SORCS2: variants seen among roughly 807,000 people sequenced by gnomAD.
The protein encoded by SORCS2 is VPS10 domain-containing receptor SorCS2.
SORCS2 carries 100 observed loss-of-function variants against 141.6 expected under a neutral mutation model. That is an observed-to-expected ratio of 0.71 (90% CI 0.60 to 0.83). The LOEUF (loss-of-function observed/expected upper bound fraction) is 0.83. SORCS2 is among the 40% of genes least tolerant of loss of function. The pLI is 0.00. For missense variants in SORCS2, 1,646 were observed against 1,560.2 expected, an observed-to-expected ratio of 1.05 and a Z score of -0.93; for synonymous variants, 789 against 676.9, an observed-to-expected ratio of 1.17 and a Z score of -2.57.
At chr4:7,697,885 G>A (rs904934948) in intron 12 of SORCS2, among the ~76,000 whole-genome samples, 2 of 152,276 alleles carry the variant, frequency 1.3e-5, no homozygotes, top group East Asian at 1.9e-4. Flanking sequence ...CGCAGGATGC[G>A]GCCACTCCCA....
rs1220293932 is a variant in SORCS2 at position 7,695,928 on chromosome 4, G to A, written c.1592-1270G>A. On this transcript the variant is annotated intron_variant, in intron 11 of 26. Transcript: ENST00000507866. The stretch of plus-strand genomic sequence containing the variant: ...GATGGATGGATGGATGGATGGATTG[G>A]TGGGTGGGTGGGTGGATGGATGGAT... Among the ~76,000 whole-genome samples the A allele has an allele frequency of 1.5e-3, 96 of 65,208 alleles. 1 individual carries two copies. Among genetic ancestry groups the A allele is most frequent in the African/African-American group, 4.3e-3 (68 of 15,992 alleles). The allele number at this position is 65,208 out of a possible 152,430, so 42.8% of individuals were successfully genotyped here.
intron 13 of SORCS2, among the ~76,000 whole-genome samples, 153 bp downstream of exon 13, chr4:7,703,524 G>C (rs534596659): frequency 6.6e-6 from 1 of 152,176 alleles, no homozygotes; most frequent in African/African-American, 2.4e-5. Flanking sequence ...CCGGGGCTGG[G>C]ACACACCTCA....
chr4:7,530,129 G>A (rs1455568763), intron 2 of SORCS2, among the ~76,000 whole-genome samples: 6 of 152,236 alleles, frequency 3.9e-5, no homozygotes, highest in Admixed American at 6.5e-5. Context: ...GGGAGGAAAC[G>A]TCTCCAAGTA....
intron 12 of SORCS2, among the ~76,000 whole-genome samples, chr4:7,701,250 AGGAGGGAGGGAAGAAGAG>A (rs1384353358): frequency 1.4e-5 from 2 of 138,346 alleles, no homozygotes; most frequent in Admixed American, 1.5e-4. Flanking sequence ...AAAAGGAGAG[AGGAGGGAGGGAAGAAGAG>A]GGAGGGAGGG....
chr4:7,236,503 G>A (rs113338165), intron 1 of SORCS2, among the ~76,000 whole-genome samples: 8 of 152,262 alleles, frequency 5.3e-5, no homozygotes, highest in South Asian at 2.1e-4. Context: ...GAGGGGCATC[G>A]GAGAGAATAT....
chr4:7,354,553 G>A (rs17757457), intron 1 of SORCS2, among the ~76,000 whole-genome samples: 8,397 of 152,322 alleles, frequency 0.055, 364 homozygotes, highest in Admixed American at 0.13. Context: ...AGGCCCACAC[G>A]TCTCTGAGCT....
At chr4:7,395,165 A>G (rs1724127913) in intron 1 of SORCS2, among the ~76,000 whole-genome samples, 1 of 140,430 alleles carries the variant, frequency 7.1e-6, no homozygotes, top group Non-Finnish European at 1.5e-5. Flanking sequence ...ATCTCGGGCA[A>G]CAGCCCCTCC....
At chr4:7,636,475 G>A (rs536719501) in intron 3 of SORCS2, among the ~76,000 whole-genome samples, 73 of 152,250 alleles carry the variant, frequency 4.8e-4, no homozygotes, top group African/African-American at 1.7e-3. Flanking sequence ...GGGTAACCTG[G>A]TTCAAATTCC....
chr4:7,570,361 G>A (rs1715305926), intron 3 of SORCS2, among the ~76,000 whole-genome samples: 1 of 152,238 alleles, frequency 6.6e-6, no homozygotes, highest in Non-Finnish European at 1.5e-5. Context: ...AGGGCCTCCT[G>A]GGACGCAGAC....
chr4:7,510,781 G>A (rs1732592162), intron 2 of SORCS2, among the ~76,000 whole-genome samples: 1 of 152,228 alleles, frequency 6.6e-6, no homozygotes, highest in African/African-American at 2.4e-5. Flanking sequence ...CGACGCTTGC[G>A]CATCCAGGTC....
intron 3 of SORCS2, among the ~76,000 whole-genome samples, chr4:7,612,892 A>AAGGGAGGGGAACAAGAAGAAGGG (rs1718505943): frequency 1.3e-5 from 1 of 74,152 alleles, no homozygotes; most frequent in Admixed American, 1.4e-4. Flanking sequence ...GTGGGAGGAG[A>AAGGGAGGGGAACAAGAAGAAGGG]TGGGAGGGGA....
chr4:7,317,368 G>C (rs1718627699), intron 1 of SORCS2, among the ~76,000 whole-genome samples: 1 of 152,228 alleles, frequency 6.6e-6, no homozygotes, highest in African/African-American at 2.4e-5. Context: ...AGCCCTCAAG[G>C]GTACCTCTGC....
chr4:7,548,175 C>G (rs1203603646), intron 3 of SORCS2, among the ~76,000 whole-genome samples: 1 of 152,212 alleles, frequency 6.6e-6, no homozygotes, highest in African/African-American at 2.4e-5. Flanking sequence ...ACACATATTA[C>G]CAACCTTGCT....
At chr4:7,327,909 C>A (rs1719383012) in intron 1 of SORCS2, among the ~76,000 whole-genome samples, 1 of 151,966 alleles carries the variant, frequency 6.6e-6, no homozygotes, top group Admixed American at 6.6e-5. Flanking sequence ...CCCCTCCAGA[C>A]CAAGGGCTCC....
chr4:7,459,357 GGGTCAGGCACAGAAAGGCGGT>G (rs1353931909), intron 2 of SORCS2, among the ~76,000 whole-genome samples: 1 of 152,156 alleles, frequency 6.6e-6, no homozygotes, highest in Non-Finnish European at 1.5e-5. Flanking sequence ...CATGAGGTGG[GGGTCAGGCACAGAAAGGCGGT>G]GGTGTTGAGG....
chr4:7,377,587 T>G (rs1214545060), intron 1 of SORCS2, among the ~76,000 whole-genome samples: 1 of 152,238 alleles, frequency 6.6e-6, no homozygotes, highest in Non-Finnish European at 1.5e-5. Flanking sequence ...AATTCAAGTT[T>G]TTTGTCTTTG....
rs796182972 is a variant in SORCS2, at chr4:7,193,550, C to A, written c.480+424C>A. Among the ~76,000 whole-genome samples the A allele has an allele frequency of 1.3e-5, 2 of 152,298 alleles. No homozygotes were observed. The highest frequency in any genetic ancestry group is 4.1e-4 in the South Asian group (2 of 4,820). The stretch of plus-strand genomic sequence containing the variant: ...TGGGATTTTGGGCTCCGGGATCCTT[C>A]CCTCCCTGGTCTACCAGGGACTCCG... On this transcript the variant is annotated intron_variant, in intron 1 of 26. Transcript: ENST00000507866. This position sits in a 1 kb window ranked among gnomAD's most constrained non-coding sequence, Gnocchi z 4.8.
intron 1 of SORCS2, among the ~76,000 whole-genome samples, chr4:7,248,691 C>A (rs376694335): frequency 6.6e-6 from 1 of 152,150 alleles, no homozygotes; most frequent in African/African-American, 2.4e-5. Context: ...TTCCTCTTTC[C>A]GGGTGTACAC....
At chr4:7,281,944 C>T (rs1048243159) in intron 1 of SORCS2, among the ~76,000 whole-genome samples, 1 of 152,236 alleles carries the variant, frequency 6.6e-6, no homozygotes, top group Non-Finnish European at 1.5e-5. Context: ...GCTGCCTGGG[C>T]ACACGCCAGT....
Sources: allele counts gnomAD v4.1 joint callset (sites outside exome capture counted in the v4.1 genomes callset), GRCh38; gene constraint gnomAD v4.1.1; non-coding constraint Gnocchi (gnomAD v3.1); transcripts MANE v1.5; gene names NCBI Gene and HGNC (gene_info 2026-07-23, HGNC 2026-07-21).